Variants in PIGQ observed in about 807,000 individuals in gnomAD.
PIGQ encodes the protein phosphatidylinositol glycan anchor biosynthesis class Q.
PIGQ carries 54 observed loss-of-function variants against 60.3 expected under a neutral mutation model. The ratio of observed to expected loss-of-function variants is 0.90; its 90% CI spans 0.72 to 1.12. The LOEUF (loss-of-function observed/expected upper bound fraction) is 1.12. Among genes scored for constraint, PIGQ ranks in the 50% most tolerant of loss-of-function variants. PIGQ has a pLI of 0.00. For missense variants in PIGQ, 799 were observed against 793.5 expected (o/e 1.01, Z -0.08); for synonymous variants, 416 against 363.7 (o/e 1.14, Z -1.64).
intron 9 of PIGQ, 89 bp downstream of exon 9, chr16:581,061 A>T (rs2035802397): frequency 7.6e-7 from 1 of 1,322,310 alleles, no homozygotes; most frequent in Non-Finnish European, 1.1e-6. Context: ...AGCATGGGCC[A>T]CTGTGCCTCC....
intron 6 of PIGQ, 26 bp from the exon 7 acceptor site, chr16:579,043 G>T (rs768121886): frequency 1.3e-6 from 2 of 1,591,248 alleles, no homozygotes. Flanking sequence ...GGGCGGGGCC[G>T]GGCCCGACAG....
chr16:581,103 G>A (rs555736571), intron 9 of PIGQ, 131 bp downstream of exon 9: 14 of 1,387,826 alleles, frequency 1.0e-5, no homozygotes, highest in South Asian at 1.3e-5. Flanking sequence ...ATGCGCAAGC[G>A]GGCAGGGAGG....
In PIGQ at chr16:582,270, C is replaced by T. The variant is rs1596387991; in HGVS notation, c.1554C>T (p.Leu518=). The stretch of plus-strand genomic sequence containing the variant: ...CAGCTGGCGTGAAGTTCCGTGTCCT[C>T]CGGCACGAGGCCGGCAGGCCCCTCC... The part of the protein sequence containing the change: ...RLAAGVKFRV[L]RHEAGRPLRL... The change falls in exon 10 of 11, where the codon CTC becomes CTT. Residue 518 remains leucine (L), a synonymous_variant. Coordinates refer to ENST00000321878, the MANE Select transcript of PIGQ (RefSeq NM_004204.5). 3.1e-6 allele frequency: 5 copies of T among 1,607,040 alleles called. No individual in the cohort carries two copies. In the East Asian group the frequency reaches 9.0e-5, roughly 29 times the overall value.
At chr16:576,079 G>C (rs781235827) in intron 3 of PIGQ, 55 bp from the exon 4 acceptor site, 1 of 1,543,200 alleles carries the variant, frequency 6.5e-7, no homozygotes, top group East Asian at 2.4e-5. Context: ...CTCCTCCTGC[G>C]GCCCCAGGCT....
chr16:580,399 G>T, intron 8 of PIGQ, 136 bp downstream of exon 8: 1 of 662,832 alleles, frequency 1.5e-6, no homozygotes, highest in Non-Finnish European at 2.6e-6. Context: ...AGGACCCTCT[G>T]GGCAGTGAGT....
intron 1 of PIGQ, among the ~76,000 whole-genome samples, chr16:571,181 G>A (rs539418717): frequency 2.2e-3 from 35 of 15,904 alleles, no homozygotes; most frequent in Non-Finnish European, 2.7e-3. Flanking sequence ...CCTGGCGCCC[G>A]TGTGTGTGTG....
chr16:571,332 C>T (rs2035621305), intron 1 of PIGQ, among the ~76,000 whole-genome samples: 1 of 57,004 alleles, frequency 1.8e-5, no homozygotes, highest in Non-Finnish European at 3.2e-5. Context: ...CCATGGCTAG[C>T]CTGGTGCCCG....
At chr16:571,120 G>GTGTGT (rs1226079858) in intron 1 of PIGQ, among the ~76,000 whole-genome samples, 1 of 1,672 alleles carries the variant, frequency 6.0e-4, no homozygotes, top group Non-Finnish European at 1.4e-3. Context: ...TGGCTAGCCT[G>GTGTGT]GTGCCCGTGT....
chr16:576,750 G>C (rs2035725854), intron 4 of PIGQ: 3 of 401,876 alleles, frequency 7.5e-6, no homozygotes, highest in Non-Finnish European at 1.3e-5. Flanking sequence ...CACCTTCCCT[G>C]CATGGTCTGT....
chr16:580,374 CGTGG>C, intron 8 of PIGQ, 111 bp downstream of exon 8: 3 of 783,718 alleles, frequency 3.8e-6, no homozygotes, highest in Non-Finnish European at 6.3e-6. Context: ...CTGCAGGCCA[CGTGG>C]GTGGCCTTTC....
At chr16:580,007 G>A in intron 7 of PIGQ, 176 bp from the exon 8 acceptor site, 2 of 516,922 alleles carry the variant, frequency 3.9e-6, no homozygotes, top group Admixed American at 3.2e-5. Context: ...CTAGTCCGTG[G>A]GGTGTGGGTG....
chr16:580,334 G>T, intron 8 of PIGQ, 71 bp downstream of exon 8: 1 of 1,244,766 alleles, frequency 8.0e-7, no homozygotes, highest in South Asian at 1.3e-5. Flanking sequence ...CTGCCTGGGA[G>T]CAGTCAGCTG....
Position 581,096 on chromosome 16 carries a change from C to T in PIGQ, c.1531+124C>T, listed in dbSNP as rs371214320. 4.2e-5 allele frequency: 58 copies of T among 1,377,804 alleles called. 1 individual carries two copies. Among genetic ancestry groups the T allele is most frequent in the Admixed American group, 4.1e-4 (21 of 51,068 alleles). The allele number at this position is 1,377,804 out of a possible 1,614,324, so 85.3% of individuals were successfully genotyped here. A position where few individuals can be genotyped will look rare whatever the true frequency, so the allele number is the denominator to read the frequency against. ...CAGCCTGGAAGCCGTGGTATGCATG[C>T]GCAAGCGGGCAGGGAGGACAGGGCC... On this transcript the variant is annotated intron_variant, in intron 9 of 10. Coordinates refer to ENST00000321878, the MANE Select transcript of PIGQ (RefSeq NM_004204.5).
rs1274248153 is a variant in PIGQ, at chr16:578,422, G to A, written c.986G>A (p.Gly329Asp). 30 of 1,612,192 alleles carry A rather than the reference G, an allele frequency of 1.9e-5. No individual in the cohort carries two copies. The highest frequency in any genetic ancestry group is 2.3e-5 in the Non-Finnish European group (27 of 1,179,814). The change falls in exon 5 of 11, where the codon GGT becomes GAT. Residue 329 changes from glycine to aspartate, a missense_variant. Physicochemically the swap from Gly to Asp is moderately conservative, Grantham distance 94 (BLOSUM62 -1). Transcript: ENST00000321878. ...CAGCATCTGCTGCAGTGGCTGATGG[G>A]TGCTCCCGCCGGGCTCAAGATGAAC... Reference protein sequence around the residue: ...ELQHLLQWLMGAPAGLKMNRA... With the variant: ...ELQHLLQWLMDAPAGLKMNRA...
At position 575,966 on chromosome 16, in the gene PIGQ, A is replaced by G. The variant is rs1317847226; in HGVS notation, c.817A>G (p.Met273Val). The G allele has an allele frequency of 1.3e-6, 2 of 1,583,662 alleles. No homozygotes were observed. The highest frequency in any genetic ancestry group is 3.6e-5 in the Admixed American group (2 of 55,394). ...GAAGGCGGAGAACCCTGCCCAGCTG[A>G]TGAGGTGTGGGCCTGCCCTGGTCTC... Reference protein sequence around the residue: ...TRKAENPAQLMRKANTVASVL... With the variant: ...TRKAENPAQLVRKANTVASVL... The change falls in exon 3 of 11, where the codon ATG (methionine) becomes GTG (valine). Residue 273 changes from methionine to valine, a missense_variant. By Grantham distance (21) the Met-to-Val change is conservative. Coordinates refer to ENST00000321878, the MANE Select transcript of PIGQ (RefSeq NM_004204.5).
chr16:572,567 G>C (rs1193406297), intron 1 of PIGQ: 1 of 451,086 alleles, frequency 2.2e-6, no homozygotes. Context: ...TCGTCCCTAA[G>C]GATGTGGTGG....
chr16:574,174 G>C lies in PIGQ; in HGVS notation c.100G>C (p.Ala34Pro), dbSNP rs1219065717. ...GGAGCAGAGCAGCGCCGTGGTCCTG[G>C]CGGTCCTGCACTTTCCCTTCATCCC... The part of the protein sequence containing the change: ...VPEQSSAVVL[A>P]VLHFPFIPIQ... Residue 34 changes from alanine (A) to proline (P), a missense_variant, in exon 2 of 11, where the codon GCG (alanine) becomes CCG (proline). By Grantham distance (27) the Ala-to-Pro change is conservative. Coordinates refer to ENST00000321878, the MANE Select transcript of PIGQ (RefSeq NM_004204.5). The C allele has an allele frequency of 1.2e-6, 2 of 1,612,520 alleles. No homozygotes were observed. Among genetic ancestry groups the C allele is most frequent in the Non-Finnish European group, 8.5e-7 (1 of 1,179,776 alleles).
At chr16:572,188 A>T (rs1241322736) in intron 1 of PIGQ, among the ~76,000 whole-genome samples, 1 of 152,204 alleles carries the variant, frequency 6.6e-6, no homozygotes, top group African/African-American at 2.4e-5. Context: ...TGGTGGTCAC[A>T]CAGCCAGACA....
At chr16:573,731 C>T (rs1329091421) in intron 1 of PIGQ, among the ~76,000 whole-genome samples, 4 of 152,230 alleles carry the variant, frequency 2.6e-5, no homozygotes, top group East Asian at 1.9e-4. Flanking sequence ...GCCCCACAGC[C>T]GCGTCAGGTG....
Sources: allele counts gnomAD v4.1 joint callset (sites outside exome capture counted in the v4.1 genomes callset), GRCh38; gene constraint gnomAD v4.1.1; transcripts MANE v1.5; gene names NCBI Gene and HGNC (gene_info 2026-07-23, HGNC 2026-07-21).